The following MARCHF7 variants were observed in gnomAD, a reference collection of about 807,000 sequenced individuals.
MARCHF7 encodes membrane associated ring-CH-type finger 7, also known as E3 ubiquitin-protein ligase MARCHF7.
In MARCHF7, 20 loss-of-function variants were observed where a neutral mutation model predicts 76.5. The observed-to-expected ratio is 0.26, with a 90% CI of 0.18 to 0.38. The LOEUF (loss-of-function observed/expected upper bound fraction) is 0.38. Among genes scored for constraint, MARCHF7 ranks in the 10% least tolerant of loss-of-function variants. The pLI, the probability that MARCHF7 is intolerant of heterozygous loss-of-function variation, is 1.00. For missense variants in MARCHF7, 797 were observed against 812.9 expected, an observed-to-expected ratio of 0.98 and a Z score of 0.24; for synonymous variants, 295 against 293.0, an observed-to-expected ratio of 1.01 and a Z score of -0.07.
chr2:159,760,781 A>G (rs1706957121), intron 9 of MARCHF7, among the ~76,000 whole-genome samples: 1 of 146,860 alleles, frequency 6.8e-6, no homozygotes, highest in Non-Finnish European at 1.5e-5. Flanking sequence ...TTTTGATCTC[A>G]GGAATGTTTT....
chr2:159,761,406 C>CCTTTTTTTT (rs1707062833), intron 9 of MARCHF7, among the ~76,000 whole-genome samples: 1 of 73,778 alleles, frequency 1.4e-5, no homozygotes, highest in Non-Finnish European at 2.4e-5. Flanking sequence ...TGAATCATTT[C>CCTTTTTTTT]TTTTTTTTTT....
At position 159,767,357 on chromosome 2, in the gene MARCHF7, G is replaced by A; in HGVS notation, c.*15G>A. 1 of 1,588,812 alleles carries A rather than the reference G, an allele frequency of 6.3e-7. No homozygotes were observed. The highest frequency in any genetic ancestry group is 8.6e-7 in the Non-Finnish European group (1 of 1,158,310). ...ATATTGCCTAACTTCATATAAGACA[G>A]ATGGATGATCTGTGAACATAAGTGT... On this transcript the variant is annotated 3_prime_UTR_variant, in exon 12 of 12. Coordinates refer to ENST00000409175, the MANE Select transcript of MARCHF7 (RefSeq NM_001282805.2).
chr2:159,759,109 C>A, intron 8 of MARCHF7, 117 bp from the exon 9 acceptor site: 1 of 620,242 alleles, frequency 1.6e-6, no homozygotes. Context: ...GTAATATTTC[C>A]TTTTCTTCTT....
In MARCHF7 at chr2:159,770,776, G is replaced by C. The variant is rs1008067209; in HGVS notation, c.*3434G>C. On this transcript the variant is annotated 3_prime_UTR_variant, in exon 12 of 12. Transcript: ENST00000409175. ...GGGACAAAATAGGCTCTACCATCTGGGTTTGTGTAAATACAAGCTGATTTT... is the reference window on the plus strand; with the variant it reads ...GGGACAAAATAGGCTCTACCATCTGCGTTTGTGTAAATACAAGCTGATTTT... The C allele has an allele frequency of 5.9e-5, 9 of 151,978 alleles. No homozygotes were observed. The highest frequency in any genetic ancestry group is 3.9e-4 in the Admixed American group (6 of 15,254). 9.4% of individuals were successfully genotyped at this position (151,978 alleles called of 1,614,324 possible).
Position 159,769,401 on chromosome 2 carries a change from G to A in MARCHF7, c.*2059G>A, listed in dbSNP as rs1708060092. 1 of 152,218 alleles carries A rather than the reference G, an allele frequency of 6.6e-6. No homozygotes were observed. The highest frequency in any genetic ancestry group is 1.5e-5 in the Non-Finnish European group (1 of 68,050). 9.4% of individuals were successfully genotyped at this position (152,218 alleles called of 1,614,324 possible). A position where few individuals can be genotyped will look rare whatever the true frequency, so the allele number is the denominator to read the frequency against. On this transcript the variant is annotated 3_prime_UTR_variant, in exon 12 of 12. Transcript: ENST00000409175. ...CTCACGCATGTAATCCCAGCACTTT[G>A]GGAGACCAAGGTGGGTGGATCACTT...
intron 5 of MARCHF7, among the ~76,000 whole-genome samples, 157 bp downstream of exon 5, chr2:159,743,410 C>G (rs189310035): frequency 2.4e-4 from 37 of 152,282 alleles, no homozygotes; most frequent in Middle Eastern, 3.4e-3. Context: ...AATGCTAGAA[C>G]TGATACTCTT....
intron 8 of MARCHF7, among the ~76,000 whole-genome samples, chr2:159,753,899 G>A (rs1410703106): frequency 6.6e-6 from 1 of 152,190 alleles, no homozygotes; most frequent in Non-Finnish European, 1.5e-5. Context: ...TGGAATGAAG[G>A]AGAAACAACA....
At chr2:159,733,919 A>G (rs1703128642) in intron 4 of MARCHF7, 1 of 1,221,400 alleles carries the variant, frequency 8.2e-7, no homozygotes, top group African/African-American at 1.5e-5. Flanking sequence ...TGTAGATTCT[A>G]AGTTCCGAAC....
At chr2:159,721,166 A>C (rs2125316502) in intron 3 of MARCHF7, among the ~76,000 whole-genome samples, 1 of 152,158 alleles carries the variant, frequency 6.6e-6, no homozygotes, top group African/African-American at 2.4e-5. Flanking sequence ...CACTGGGCCT[A>C]ATACCTTAAC....
At chr2:159,757,971 T>A (rs1453705391) in intron 8 of MARCHF7, among the ~76,000 whole-genome samples, 1 of 152,222 alleles carries the variant, frequency 6.6e-6, no homozygotes, top group African/African-American at 2.4e-5. Flanking sequence ...GTCTTGGACC[T>A]TATGCCAAAT....
In MARCHF7 at chr2:159,770,285, G is replaced by C. The variant is rs894737943; in HGVS notation, c.*2943G>C. On this transcript the variant is annotated 3_prime_UTR_variant, in exon 12 of 12. Coordinates refer to ENST00000409175, the MANE Select transcript of MARCHF7 (RefSeq NM_001282805.2). Reference sequence around the variant, plus strand: ...CTATACAAAATCTCAGAAATGTAAAGCTCTTACAGAGCATGCTTGTGCTTG... The same window carrying C: ...CTATACAAAATCTCAGAAATGTAAACCTCTTACAGAGCATGCTTGTGCTTG... 6.6e-6 allele frequency: 1 copy of C among 152,150 alleles called. No individual in the cohort carries two copies. Among genetic ancestry groups the C allele is most frequent in the Non-Finnish European group, 1.5e-5 (1 of 68,020 alleles). The allele number at this position is 152,150 out of a possible 1,614,324, so 9.4% of individuals were successfully genotyped here. A position where few individuals can be genotyped will look rare whatever the true frequency, so the allele number is the denominator to read the frequency against.
chr2:159,749,440 C>G (rs1403099051), intron 7 of MARCHF7, among the ~76,000 whole-genome samples: 3 of 151,938 alleles, frequency 2.0e-5, no homozygotes, highest in South Asian at 4.1e-4. Flanking sequence ...CTCCGCCTCC[C>G]TGGTTCAAGC....
rs1708008503 is a variant in MARCHF7 at position 159,768,379 on chromosome 2, CTG to C, written c.*1039_*1040del. Reference sequence around the variant, plus strand: ...ATGAGTTGTGTATACTTCCATAACACTGTATTTTTCTTCTGTCAGTACCCTTA... The same window carrying C: ...ATGAGTTGTGTATACTTCCATAACACTATTTTTCTTCTGTCAGTACCCTTA... On this transcript the variant is annotated 3_prime_UTR_variant, in exon 12 of 12. Coordinates refer to ENST00000409175, the MANE Select transcript of MARCHF7 (RefSeq NM_001282805.2). The C allele has an allele frequency of 1.3e-5, 2 of 152,652 alleles. No homozygotes were observed. Among genetic ancestry groups the C allele is most frequent in the South Asian group, 4.1e-4 (2 of 4,822 alleles). The allele number at this position is 152,652 out of a possible 1,614,324, so 9.5% of individuals were successfully genotyped here. A position where few individuals can be genotyped will look rare whatever the true frequency, so the allele number is the denominator to read the frequency against.
intron 7 of MARCHF7, among the ~76,000 whole-genome samples, chr2:159,750,094 CAG>C (rs1237672714): frequency 3.3e-5 from 5 of 152,180 alleles, no homozygotes; most frequent in South Asian, 2.1e-4. Context: ...TTTGTAGAGA[CAG>C]GGTCTCGCTT....
intron 8 of MARCHF7, among the ~76,000 whole-genome samples, chr2:159,755,288 G>A (rs989723877): frequency 6.1e-5 from 8 of 132,116 alleles, no homozygotes; most frequent in Non-Finnish European, 1.4e-4. Flanking sequence ...TCAAGGGTAT[G>A]AACTGAGTTG....
chr2:159,726,694 A>G (rs1702212670), intron 3 of MARCHF7, among the ~76,000 whole-genome samples: 1 of 152,222 alleles, frequency 6.6e-6, no homozygotes, highest in African/African-American at 2.4e-5. Flanking sequence ...TGTACAATTC[A>G]GTATTATTGG....
rs1182251154 is a variant in MARCHF7, at chr2:159,770,686, A to AGAT, written c.*3345_*3347dup. 6.6e-6 allele frequency: 1 copy of AGAT among 152,182 alleles called. No homozygotes were observed. The highest frequency in any genetic ancestry group is 2.4e-5 in the African/African-American group (1 of 41,462). 9.4% of individuals were successfully genotyped at this position (152,182 alleles called of 1,614,324 possible). ...TTTTTACTGTACCTTTTCTATATTT[A>AGAT]GATACACAAATATTGTGTTACAATT... On this transcript the variant is annotated 3_prime_UTR_variant, in exon 12 of 12. Coordinates refer to ENST00000409175, the MANE Select transcript of MARCHF7 (RefSeq NM_001282805.2).
intron 8 of MARCHF7, among the ~76,000 whole-genome samples, chr2:159,757,523 A>T (rs999101592): frequency 3.3e-5 from 5 of 152,206 alleles, no homozygotes; most frequent in African/African-American, 1.2e-4. Flanking sequence ...GTGGTGGCTC[A>T]CGCCTGTAAT....
intron 3 of MARCHF7, among the ~76,000 whole-genome samples, chr2:159,721,034 T>TG (rs985820077): frequency 6.6e-6 from 1 of 151,724 alleles, no homozygotes; most frequent in African/African-American, 2.4e-5. Flanking sequence ...TTTTTTTTTT[T>TG]TTTTCTGTAT....
Sources: gnomAD v4.1 joint callset for allele counts (sites outside exome capture counted in the v4.1 genomes callset) on GRCh38, gnomAD v4.1.1 for gene constraint, MANE v1.5 for transcripts, NCBI Gene and HGNC (gene_info 2026-07-23, HGNC 2026-07-21) for gene names.